The following TDRD5 variants were observed in gnomAD, a reference collection of about 807,000 sequenced individuals.
The protein encoded by TDRD5 is tudor domain containing 5.
In TDRD5, 41 loss-of-function variants were observed where a neutral mutation model predicts 120.6. That is an observed-to-expected ratio of 0.34 (90% CI 0.26 to 0.44). TDRD5 has a LOEUF of 0.44. TDRD5 is among the 20% of genes least tolerant of loss of function. TDRD5 has a pLI of 1.00. For missense variants in TDRD5, 1,006 were observed against 1,221.2 expected, an observed-to-expected ratio of 0.82 and a Z score of 2.63; for synonymous variants, 430 against 433.7, an observed-to-expected ratio of 0.99 and a Z score of 0.11.
In TDRD5 at chr1:179,630,382, G is replaced by A. The variant is rs926775020; in HGVS notation, c.973-385G>A. On this transcript the variant is annotated intron_variant, in intron 6 of 17. Coordinates refer to ENST00000444136, the MANE Select transcript of TDRD5 (RefSeq NM_001199085.3). ...TTCTGTACATGTCGGAAGTGATATCGAATATTATCTTTATTGGAAAATAGA... is the reference window on the plus strand; with the variant it reads ...TTCTGTACATGTCGGAAGTGATATCAAATATTATCTTTATTGGAAAATAGA... Among the ~76,000 whole-genome samples the A allele has an allele frequency of 2.6e-5, 4 of 152,060 alleles. No homozygotes were observed. The South Asian group carries it at 6.2e-4, about 24-fold the overall frequency.
At chr1:179,599,812 A>C (rs918345382) in intron 4 of TDRD5, among the ~76,000 whole-genome samples, 1 of 152,226 alleles carries the variant, frequency 6.6e-6, no homozygotes, top group Non-Finnish European at 1.5e-5. Flanking sequence ...CCACAAAATT[A>C]TAACAGAACT....
intron 4 of TDRD5, among the ~76,000 whole-genome samples, chr1:179,615,916 A>G (rs6689399): frequency 0.09 from 13,679 of 152,104 alleles, 682 homozygotes; most frequent in Middle Eastern, 0.12. Flanking sequence ...CAGGCTAAAT[A>G]TTCTCTGCTT....
chr1:179,595,597 T>G, intron 3 of TDRD5, 31 bp from the exon 4 acceptor site: 1 of 1,520,942 alleles, frequency 6.6e-7, no homozygotes, highest in African/African-American at 1.4e-5. Context: ...CTAGTGACAA[T>G]TTTTCTTTCT....
intron 1 of TDRD5, 182 bp from the exon 2 acceptor site, chr1:179,592,420 G>T: frequency 1.8e-6 from 1 of 562,210 alleles, no homozygotes; most frequent in Non-Finnish European, 3.2e-6. Context: ...ATCAACGCAG[G>T]TGGAGATTCA....
chr1:179,690,953 G>A lies in TDRD5; in HGVS notation c.*10G>A. 2 of 1,601,734 alleles carry A rather than the reference G, an allele frequency of 1.2e-6. No homozygotes were observed. Among genetic ancestry groups the A allele is most frequent in the Non-Finnish European group, 1.7e-6 (2 of 1,172,634 alleles). ...AAGGATGGAAGCATGAGGGAGGGAG[G>A]GAGGAGGGAGAAAAACAGAATCCAG... is the stretch of plus-strand genomic sequence containing the variant. On this transcript the variant is annotated 3_prime_UTR_variant, in exon 18 of 18. Coordinates refer to ENST00000444136, the MANE Select transcript of TDRD5 (RefSeq NM_001199085.3).
At chr1:179,644,886 A>G (rs905023615) in intron 11 of TDRD5, among the ~76,000 whole-genome samples, 1 of 150,294 alleles carries the variant, frequency 6.7e-6, no homozygotes, top group African/African-American at 2.4e-5. Context: ...CTTTGGGTTT[A>G]TTTTGCTGTT....
chr1:179,618,892 A>G (rs957705684), intron 5 of TDRD5, among the ~76,000 whole-genome samples: 2 of 152,148 alleles, frequency 1.3e-5, no homozygotes, highest in African/African-American at 4.8e-5. Context: ...AAGTTCTTCC[A>G]TAAGTTCTCT....
intron 11 of TDRD5, among the ~76,000 whole-genome samples, chr1:179,646,141 T>C (rs1021773437): frequency 4.6e-5 from 7 of 152,200 alleles, no homozygotes; most frequent in African/African-American, 1.7e-4. Context: ...TTTCTCACCA[T>C]GCATGCCTTA....
chr1:179,645,355 G>C (rs1678297031), intron 11 of TDRD5, among the ~76,000 whole-genome samples: 1 of 151,960 alleles, frequency 6.6e-6, no homozygotes, highest in Admixed American at 6.6e-5. Flanking sequence ...AAAGTGCTGG[G>C]ATTACAGGCG....
rs181302207 is a variant in TDRD5, at chr1:179,655,237, G to A, written c.2322+875G>A. Among the ~76,000 whole-genome samples the A allele has an allele frequency of 2.8e-3, 422 of 152,034 alleles. 3 individuals carry two copies. Among genetic ancestry groups the A allele is most frequent in the African/African-American group, 9.6e-3 (399 of 41,452 alleles). On this transcript the variant is annotated intron_variant, in intron 14 of 17. Coordinates refer to ENST00000444136, the MANE Select transcript of TDRD5 (RefSeq NM_001199085.3). ...GATGAGGGCTTAGTTCTCTTTCATC[G>A]CCTTACCACCACCACACACAAACAT...
intron 10 of TDRD5, 132 bp from the exon 11 acceptor site, chr1:179,640,247 C>G (rs1677971304): frequency 8.9e-7 from 1 of 1,127,864 alleles, no homozygotes; most frequent in Non-Finnish European, 1.3e-6. Flanking sequence ...TTTTACATGA[C>G]ACTGAATTTT....
intron 7 of TDRD5, among the ~76,000 whole-genome samples, 191 bp from the exon 8 acceptor site, chr1:179,634,266 C>T (rs1677633060): frequency 6.6e-6 from 1 of 152,180 alleles, no homozygotes; most frequent in Non-Finnish European, 1.5e-5. Flanking sequence ...CCTAGAACTT[C>T]CCTTATATTT....
rs182129019 is a variant in TDRD5, at chr1:179,615,176, G to T, written c.832-3423G>T. ...ATTACATATATATATGATCGATTCA[G>T]GTCTATCTCTGCAAGTTCCATGAGG... On this transcript the variant is annotated intron_variant, in intron 4 of 17. Coordinates refer to ENST00000444136, the MANE Select transcript of TDRD5 (RefSeq NM_001199085.3). Among the ~76,000 whole-genome samples, 415 of 152,142 alleles carry T rather than the reference G, an allele frequency of 2.7e-3. 3 individuals are homozygous for T. Among genetic ancestry groups the T allele is most frequent in the African/African-American group, 9.5e-3 (394 of 41,522 alleles).
intron 5 of TDRD5, among the ~76,000 whole-genome samples, chr1:179,619,903 A>G (rs946990316): frequency 6.6e-6 from 1 of 152,144 alleles, no homozygotes; most frequent in African/African-American, 2.4e-5. Context: ...ACAAGAGTGA[A>G]TATGATTTTT....
At chr1:179,639,797 T>A (rs980321700) in intron 9 of TDRD5, 42 bp from the exon 10 acceptor site, 2 of 1,574,558 alleles carry the variant, frequency 1.3e-6, no homozygotes, top group African/African-American at 2.7e-5. Flanking sequence ...TCTTTAATTT[T>A]TTCTTCCCCT....
chr1:179,645,377 G>A (rs1342458912), intron 11 of TDRD5, among the ~76,000 whole-genome samples: 1 of 152,084 alleles, frequency 6.6e-6, no homozygotes, highest in Non-Finnish European at 1.5e-5. Context: ...GAGCCACCGC[G>A]CCCGGCCATA....
intron 17 of TDRD5, among the ~76,000 whole-genome samples, chr1:179,685,958 T>C (rs1261472769): frequency 9.9e-5 from 15 of 152,162 alleles, no homozygotes; most frequent in Admixed American, 9.8e-4. Context: ...ATGATGGGGT[T>C]TTCTAAATAT....
chr1:179,654,579 A>G (rs1220949127), intron 14 of TDRD5, among the ~76,000 whole-genome samples: 1 of 152,112 alleles, frequency 6.6e-6, no homozygotes. Context: ...AGCGTGGTCA[A>G]CATGATGATA....
Position 179,652,087 on chromosome 1 carries a change from G to A in TDRD5, c.2050G>A (p.Gly684Arg), listed in dbSNP as rs1439519484. Reference protein sequence around the residue: ...PLALYTTSSGGPEDIVLTELG... With the variant: ...PLALYTTSSGRPEDIVLTELG... The stretch of plus-strand genomic sequence containing the variant: ...AGCTTTATACACGACATCCAGTGGA[G>A]GGCCAGAGGACATTGTCTTGACAGA... Residue 684 changes from glycine to arginine, a missense_variant, in exon 13 of 18, where the codon GGG (glycine) becomes AGG (arginine). Physicochemically the swap from Gly to Arg is moderately radical, Grantham distance 125. Around this residue, in one of 3 missense-constraint regions of TDRD5, gnomAD observed 403 missense variants for 448.1 expected, o/e 0.90. Transcript: ENST00000444136. The A allele has an allele frequency of 6.2e-7, 1 of 1,613,740 alleles. No homozygotes were observed. Among genetic ancestry groups the A allele is most frequent in the African/African-American group, 1.3e-5 (1 of 74,852 alleles).
Sources: gnomAD v4.1 joint callset for allele counts (sites outside exome capture counted in the v4.1 genomes callset) on GRCh38, gnomAD v4.1.1 for gene constraint, gnomAD v4.1.1 regional missense constraint, MANE v1.5 for transcripts, NCBI Gene and HGNC (gene_info 2026-07-23, HGNC 2026-07-21) for gene names.